Variants in SSPN observed in about 807,000 individuals in gnomAD.
SSPN encodes the protein K-ras oncogene-associated protein.
Under a neutral mutation model 19.1 loss-of-function variants are expected in SSPN, and 15 were observed. That is an observed-to-expected ratio of 0.78 (90% CI 0.52 to 1.21). The LOEUF is 1.21. Ranked by LOEUF, SSPN falls within the 50% of genes most tolerant of loss-of-function variation. SSPN has a pLI of 0.00. For missense variants in SSPN, 291 were observed against 314.0 expected (o/e 0.93, Z 0.55); for synonymous variants, 147 against 140.3 (o/e 1.05, Z -0.34).
chr12:26,233,033 G>T lies in SSPN; in HGVS notation c.*1957G>T, dbSNP rs1014287715. Reference sequence around the variant, plus strand: ...AAAATAACTGAGAATCTGGAATGTTGTAGTCCATCCTTTAAAGAGTAAGAA... The same window carrying T: ...AAAATAACTGAGAATCTGGAATGTTTTAGTCCATCCTTTAAAGAGTAAGAA... On this transcript the variant is annotated 3_prime_UTR_variant, in exon 3 of 3. Coordinates refer to ENST00000242729, the MANE Select transcript of SSPN (RefSeq NM_005086.5). This position sits in a 1 kb window ranked among gnomAD's most constrained non-coding sequence, Gnocchi z 4.3. 2 of 149,638 alleles carry T rather than the reference G, an allele frequency of 1.3e-5. No individual in the cohort carries two copies. Among genetic ancestry groups the T allele is most frequent in the Non-Finnish European group, 3.0e-5 (2 of 67,490 alleles). The allele number at this position is 149,638 out of a possible 1,614,324, so 9.3% of individuals were successfully genotyped here. A position where few individuals can be genotyped will look rare whatever the true frequency, so the allele number is the denominator to read the frequency against.
chr12:26,132,844 G>C (rs1944404120), intron 1 of SSPN, among the ~76,000 whole-genome samples: 1 of 152,128 alleles, frequency 6.6e-6, no homozygotes, highest in Non-Finnish European at 1.5e-5. Context: ...ATTGTAACTT[G>C]GTCTACTCCT....
intron 2 of SSPN, among the ~76,000 whole-genome samples, chr12:26,229,823 A>T (rs1194267774): frequency 6.6e-6 from 1 of 152,228 alleles, no homozygotes; most frequent in Non-Finnish European, 1.5e-5. Flanking sequence ...AATCACAAAA[A>T]TATTTCTTGT....
chr12:26,224,141 C>A, intron 1 of SSPN, 152 bp from the exon 2 acceptor site: 1 of 590,026 alleles, frequency 1.7e-6, no homozygotes, highest in Admixed American at 2.8e-5. Context: ...GGTTTTCCAC[C>A]AGTTGAAAGA....
intron 2 of SSPN, among the ~76,000 whole-genome samples, chr12:26,229,531 A>G (rs955734777): frequency 6.6e-6 from 1 of 152,248 alleles, no homozygotes; most frequent in African/African-American, 2.4e-5. Context: ...GTAGTGTCAC[A>G]TATATGTTTT....
At chr12:26,123,808 G>A in intron 1 of SSPN, 2 of 1,041,778 alleles carry the variant, frequency 1.9e-6, no homozygotes, top group Non-Finnish European at 1.5e-6. Context: ...TTAATTGGCT[G>A]TCCATTCAGC....
chr12:26,152,431 G>A (rs1944531244), intron 1 of SSPN, among the ~76,000 whole-genome samples: 1 of 152,006 alleles, frequency 6.6e-6, no homozygotes, highest in African/African-American at 2.4e-5. Flanking sequence ...TTTAATAATG[G>A]CTATGTTTAG....
At chr12:26,158,257 A>T (rs75013773) in intron 1 of SSPN, among the ~76,000 whole-genome samples, 2,138 of 135,736 alleles carry the variant, frequency 0.016, 55 homozygotes, top group African/African-American at 0.055. Context: ...CCTCCCTCCC[A>T]TCCTTCCTTC....
At position 26,195,854 on chromosome 12, in the gene SSPN, TG is replaced by T; in HGVS notation, c.184del (p.Ala62ProfsTer6). The T allele has an allele frequency of 6.4e-7, 1 of 1,556,676 alleles. No homozygotes were observed. The highest frequency in any genetic ancestry group is 1.4e-5 in the African/African-American group (1 of 72,008). On this transcript the variant is annotated frameshift_variant, in exon 1 of 3. Coordinates refer to ENST00000242729, the MANE Select transcript of SSPN (RefSeq NM_005086.5). LOFTEE classifies it high-confidence loss of function. ...CCGCTGCTGCTCGCCCTGCTGCAGC[TG>T]GCCCTGGGCATCGCCGTGACCGTGG... ...RFPLLLALLQ[L>X]ALGIAVTVVG...
At chr12:26,206,589 G>A (rs768621367) in intron 1 of SSPN, among the ~76,000 whole-genome samples, 5 of 152,088 alleles carry the variant, frequency 3.3e-5, no homozygotes, top group Non-Finnish European at 7.3e-5. Flanking sequence ...TTATGGCTAA[G>A]TAATGAAATC....
chr12:26,122,140 C>G, exon 1 of SSPN: 1 of 1,548,398 alleles, frequency 6.5e-7, no homozygotes, highest in Non-Finnish European at 8.7e-7. Context: ...TCGCGGGGCC[C>G]GGCGAAGGGC....
intron 2 of SSPN, among the ~76,000 whole-genome samples, chr12:26,228,124 G>T (rs1022319565): frequency 6.6e-6 from 1 of 152,074 alleles, no homozygotes; most frequent in Admixed American, 6.5e-5. Flanking sequence ...AGCTTGGTGC[G>T]GTGGCTCATG....
chr12:26,139,384 T>C (rs1944446475), intron 1 of SSPN, among the ~76,000 whole-genome samples: 3 of 152,222 alleles, frequency 2.0e-5, no homozygotes, highest in Admixed American at 6.5e-5. Context: ...ATATGAGCAA[T>C]GTTTTCACTA....
At chr12:26,207,161 T>C (rs1376160154) in intron 1 of SSPN, among the ~76,000 whole-genome samples, 1 of 152,246 alleles carries the variant, frequency 6.6e-6, no homozygotes, top group Non-Finnish European at 1.5e-5. Flanking sequence ...GAATTCTGGC[T>C]CTACTAATGT....
intron 1 of SSPN, among the ~76,000 whole-genome samples, chr12:26,206,621 G>A (rs1342604906): frequency 6.6e-6 from 1 of 152,094 alleles, no homozygotes; most frequent in African/African-American, 2.4e-5. Context: ...TATACCACCG[G>A]AGTAGGCTCA....
At chr12:26,148,094 A>G (rs965114210) in intron 1 of SSPN, among the ~76,000 whole-genome samples, 1 of 152,132 alleles carries the variant, frequency 6.6e-6, no homozygotes, top group South Asian at 2.1e-4. Flanking sequence ...CTGTCAAGGG[A>G]GGGACTCAAA....
intron 1 of SSPN, among the ~76,000 whole-genome samples, chr12:26,222,924 C>T (rs1945137962): frequency 6.6e-6 from 1 of 152,120 alleles, no homozygotes; most frequent in South Asian, 2.1e-4. Flanking sequence ...ATGCAATAGC[C>T]AAGATGTATA....
chr12:26,184,098 A>T (rs1181825739), intron 1 of SSPN, among the ~76,000 whole-genome samples: 1 of 152,162 alleles, frequency 6.6e-6, no homozygotes, highest in Non-Finnish European at 1.5e-5. Context: ...CAATAAGCCC[A>T]CAGTCACTTG....
intron 1 of SSPN, chr12:26,124,201 A>C (rs766265352): frequency 2.1e-5 from 31 of 1,484,768 alleles, no homozygotes; most frequent in Middle Eastern, 3.4e-4. Flanking sequence ...AGAGTCATGG[A>C]AAAGAGAAAA....
At chr12:26,177,638 G>A (rs529626819) in intron 1 of SSPN, among the ~76,000 whole-genome samples, 39 of 152,260 alleles carry the variant, frequency 2.6e-4, no homozygotes, top group African/African-American at 5.3e-4. Flanking sequence ...GTCTTGAGGC[G>A]ATAGGTTCTA....
Sources: allele counts gnomAD v4.1 joint callset (sites outside exome capture counted in the v4.1 genomes callset), GRCh38; gene constraint gnomAD v4.1.1; non-coding constraint Gnocchi (gnomAD v3.1); transcripts MANE v1.5; gene names NCBI Gene and HGNC (gene_info 2026-07-23, HGNC 2026-07-21).